Variants in MACROD2 observed in about 807,000 individuals in gnomAD.
MACROD2 encodes the protein mono-ADP ribosylhydrolase 2.
MACROD2 carries 36 observed loss-of-function variants against 70.4 expected under a neutral mutation model. The observed-to-expected ratio is 0.51, with a 90% CI of 0.39 to 0.68. The LOEUF (loss-of-function observed/expected upper bound fraction) is 0.68. Ranked by LOEUF, MACROD2 falls within the 30% of genes least tolerant of loss-of-function variation. MACROD2 has a pLI of 0.00. For missense variants in MACROD2, 496 were observed against 538.4 expected (o/e 0.92, Z 0.78); for synonymous variants, 172 against 178.8 (o/e 0.96, Z 0.30).
intron 5 of MACROD2, among the ~76,000 whole-genome samples, chr20:14,925,366 T>C (rs1396005387): frequency 6.6e-6 from 1 of 152,168 alleles, no homozygotes; most frequent in Non-Finnish European, 1.5e-5. Flanking sequence ...CCTCAGATAG[T>C]GGTTATACAT....
At chr20:15,913,146 G>T (rs1471709009) in intron 10 of MACROD2, among the ~76,000 whole-genome samples, 1 of 151,860 alleles carries the variant, frequency 6.6e-6, no homozygotes, top group Non-Finnish European at 1.5e-5. Flanking sequence ...ATTCAAAAAT[G>T]GTAGCTATTA....
intron 5 of MACROD2, among the ~76,000 whole-genome samples, chr20:14,906,355 G>T (rs907950099): frequency 2.0e-5 from 3 of 152,104 alleles, no homozygotes; most frequent in Admixed American, 6.5e-5. Flanking sequence ...TTAGCTGGGC[G>T]TAGTGGCGCA....
chr20:14,459,369 A>G (rs1325191826), intron 3 of MACROD2, among the ~76,000 whole-genome samples: 3 of 152,024 alleles, frequency 2.0e-5, no homozygotes, highest in Non-Finnish European at 4.4e-5. Context: ...AGACATATAC[A>G]TGGGTGCAAG....
At chr20:15,137,734 TAAAGG>T (rs980834379) in intron 5 of MACROD2, among the ~76,000 whole-genome samples, 50 of 151,876 alleles carry the variant, frequency 3.3e-4, no homozygotes, top group African/African-American at 1.1e-3. Context: ...ATAATAATCT[TAAAGG>T]TAAGGTACAG....
chr20:15,183,086 TTTA>T lies in MACROD2; in HGVS notation c.419-46850_419-46848del, dbSNP rs2076511246. 2.0e-5 allele frequency among the ~76,000 whole-genome samples: 3 copies of T among 152,330 alleles called. No individual in the cohort carries two copies. The South Asian group carries it at 6.2e-4, about 32-fold the overall frequency. ...GAGGTATTTGGTTGCATTTCTTGCC[TTTA>T]TTAGCCCACATGGAATGGTGGCCAG... On this transcript the variant is annotated intron_variant, in intron 5 of 17. Coordinates refer to ENST00000684519, the MANE Select transcript of MACROD2 (RefSeq NM_001351661.2).
At chr20:14,464,065 G>A (rs1256159266) in intron 3 of MACROD2, among the ~76,000 whole-genome samples, 4 of 152,016 alleles carry the variant, frequency 2.6e-5, no homozygotes, top group East Asian at 3.9e-4. Context: ...AGTTAGGGAG[G>A]ATTCCCTCTT....
intron 8 of MACROD2, among the ~76,000 whole-genome samples, chr20:15,706,854 G>C (rs527446298): frequency 6.6e-6 from 1 of 152,164 alleles, no homozygotes; most frequent in African/African-American, 2.4e-5. Context: ...ATAATTCAGA[G>C]TTTCTGAAAC....
chr20:14,241,260 A>G (rs922253630), intron 3 of MACROD2, among the ~76,000 whole-genome samples: 1 of 152,276 alleles, frequency 6.6e-6, no homozygotes, highest in Non-Finnish European at 1.5e-5. Flanking sequence ...AAAGGAAAAT[A>G]TCATCTTGCT....
At chr20:15,221,001 A>G (rs977229561) in intron 5 of MACROD2, among the ~76,000 whole-genome samples, 2 of 152,202 alleles carry the variant, frequency 1.3e-5, no homozygotes, top group South Asian at 4.1e-4. Flanking sequence ...CGACAAGCAC[A>G]TGCAACCTCA....
intron 2 of MACROD2, among the ~76,000 whole-genome samples, chr20:14,021,460 A>G (rs564833541): frequency 2.0e-5 from 3 of 152,274 alleles, no homozygotes; most frequent in Non-Finnish European, 4.4e-5. Flanking sequence ...AATAGAAATG[A>G]AAGTCTTACT....
intron 4 of MACROD2, among the ~76,000 whole-genome samples, chr20:14,640,242 G>T (rs1347504212): frequency 6.6e-6 from 1 of 152,020 alleles, no homozygotes; most frequent in African/African-American, 2.4e-5. Context: ...AGTACTGATG[G>T]GTATAAGTGA....
intron 4 of MACROD2, among the ~76,000 whole-genome samples, chr20:14,576,177 A>G (rs1185845839): frequency 6.6e-6 from 1 of 152,198 alleles, no homozygotes; most frequent in African/African-American, 2.4e-5. Flanking sequence ...AAAGGATGTC[A>G]TTACTTGTTC....
intron 5 of MACROD2, among the ~76,000 whole-genome samples, chr20:14,725,091 A>T (rs1252226195): frequency 6.6e-6 from 1 of 152,042 alleles, no homozygotes; most frequent in African/African-American, 2.4e-5. Flanking sequence ...GAGTGAAAGG[A>T]TGGGAAGAAT....
In MACROD2 at chr20:14,653,884, A is replaced by G. The variant is rs183124995; in HGVS notation, c.302-30959A>G. The stretch of plus-strand genomic sequence containing the variant: ...CTGAGGCATGTTTTACACGTTTTCC[A>G]GAGTTCCCCAGCAGAACTGATGTCC... On this transcript the variant is annotated intron_variant, in intron 4 of 17. Coordinates refer to ENST00000684519, the MANE Select transcript of MACROD2 (RefSeq NM_001351661.2). Among the ~76,000 whole-genome samples, 14 of 152,296 alleles carry G rather than the reference A, an allele frequency of 9.2e-5. No homozygotes were observed. The East Asian group carries it at 2.7e-3, about 29-fold the overall frequency.
At chr20:14,937,774 G>T (rs573562766) in intron 5 of MACROD2, among the ~76,000 whole-genome samples, 1 of 151,918 alleles carries the variant, frequency 6.6e-6, no homozygotes, top group Non-Finnish European at 1.5e-5. Flanking sequence ...GAAACACAAG[G>T]TCTTATTTCT....
chr20:15,952,806 C>A (rs1295985202), intron 12 of MACROD2, among the ~76,000 whole-genome samples: 1 of 152,048 alleles, frequency 6.6e-6, no homozygotes, highest in Non-Finnish European at 1.5e-5. Flanking sequence ...CTAATTTTAT[C>A]CAACCAATAC....
chr20:15,288,507 G>A (rs1008453613), intron 6 of MACROD2, among the ~76,000 whole-genome samples: 4 of 152,170 alleles, frequency 2.6e-5, no homozygotes, highest in East Asian at 1.9e-4. Flanking sequence ...AGTAGATTGA[G>A]TAAGAAAGAT....
At position 13,995,708 on chromosome 20, in the gene MACROD2, G is replaced by A. The variant is rs1362275005; in HGVS notation, c.-56G>A. ...ACCCCTCCCACTCCACACACACCCT[G>A]TTTGCCCGTGAGCCTGGGGAACTTG... is the stretch of plus-strand genomic sequence containing the variant. On this transcript the variant is annotated 5_prime_UTR_variant, in exon 1 of 18. Coordinates refer to ENST00000684519, the MANE Select transcript of MACROD2 (RefSeq NM_001351661.2). The surrounding 1 kb of genome is among the most constrained non-coding windows in gnomAD (Gnocchi z 4.3). 3 of 1,420,974 alleles carry A rather than the reference G, an allele frequency of 2.1e-6. No individual in the cohort carries two copies. Among genetic ancestry groups the A allele is most frequent in the Non-Finnish European group, 9.7e-7 (1 of 1,026,408 alleles). The allele number at this position is 1,420,974 out of a possible 1,614,324, so 88.0% of individuals were successfully genotyped here.
chr20:14,139,930 G>T (rs1210579991), intron 3 of MACROD2, among the ~76,000 whole-genome samples: 2 of 152,056 alleles, frequency 1.3e-5, no homozygotes, highest in African/African-American at 4.8e-5. Flanking sequence ...AAATAAAATT[G>T]TCTTTAGGCT....
Sources: allele counts gnomAD v4.1 joint callset (sites outside exome capture counted in the v4.1 genomes callset), GRCh38; gene constraint gnomAD v4.1.1; non-coding constraint Gnocchi (gnomAD v3.1); transcripts MANE v1.5; gene names NCBI Gene and HGNC (gene_info 2026-07-23, HGNC 2026-07-21).